Variants in CNTNAP3B observed in about 807,000 individuals in gnomAD.
The protein encoded by CNTNAP3B is contactin-associated protein-like 3B.
CNTNAP3B carries 25 observed loss-of-function variants against 108.9 expected under a neutral mutation model. The ratio of observed to expected loss-of-function variants is 0.23; its 90% CI spans 0.17 to 0.32. The LOEUF is 0.32. CNTNAP3B is among the 10% of genes least tolerant of loss of function. The pLI is 1.00. For missense variants in CNTNAP3B, 252 were observed against 1,210.4 expected, an observed-to-expected ratio of 0.21 and a Z score of 11.75; for synonymous variants, 103 against 473.4, an observed-to-expected ratio of 0.22 and a Z score of 10.16.
At chr9:41,940,778 G>A (rs1476921887) in intron 13 of CNTNAP3B, among the ~76,000 whole-genome samples, 1 of 152,046 alleles carries the variant, frequency 6.6e-6, no homozygotes, top group Admixed American at 6.5e-5. Flanking sequence ...TTGTGCCACT[G>A]CACTCCAGCC....
chr9:42,062,072 T>C (rs1587239847), intron 3 of CNTNAP3B, among the ~76,000 whole-genome samples: 1 of 51,072 alleles, frequency 2.0e-5, no homozygotes, highest in African/African-American at 6.4e-5. Context: ...GACGGAGTCT[T>C]GCTCTGTGGC....
chr9:42,110,869 G>T (rs1172677555), intron 1 of CNTNAP3B, among the ~76,000 whole-genome samples: 2 of 139,990 alleles, frequency 1.4e-5, no homozygotes, highest in Non-Finnish European at 3.1e-5. Context: ...AATCTGAATT[G>T]ATCTGTGCAT....
At chr9:41,966,459 A>T (rs1825277802) in intron 10 of CNTNAP3B, among the ~76,000 whole-genome samples, 1 of 152,288 alleles carries the variant, frequency 6.6e-6, no homozygotes, top group African/African-American at 2.4e-5. Context: ...GCTAGCATGC[A>T]GAAGACCAAC....
intron 15 of CNTNAP3B, among the ~76,000 whole-genome samples, chr9:41,926,257 CT>C (rs1823816383): frequency 6.6e-6 from 1 of 152,080 alleles, no homozygotes; most frequent in Admixed American, 6.5e-5. Context: ...AGTGTGGAAC[CT>C]AGCTTCTAAC....
chr9:42,077,443 A>C (rs1827516021), intron 2 of CNTNAP3B, among the ~76,000 whole-genome samples: 1 of 137,296 alleles, frequency 7.3e-6, no homozygotes, highest in South Asian at 2.4e-4. Context: ...TGATAAAAGA[A>C]AGACAGTTAA....
chr9:42,116,004 A>G (rs564704283), intron 1 of CNTNAP3B, among the ~76,000 whole-genome samples: 2 of 138,800 alleles, frequency 1.4e-5, no homozygotes, highest in East Asian at 4.4e-4. Context: ...ACTAGAATAA[A>G]CAGCGTAGAG....
intron 3 of CNTNAP3B, among the ~76,000 whole-genome samples, chr9:42,028,805 G>GAA (rs55930965): frequency 2.7e-5 from 4 of 148,882 alleles, no homozygotes; most frequent in South Asian, 2.1e-4. Context: ...TTTGCATTCA[G>GAA]AAAAAAAATT....
At chr9:42,087,808 A>T (rs1827735778) in intron 2 of CNTNAP3B, among the ~76,000 whole-genome samples, 2 of 135,558 alleles carry the variant, frequency 1.5e-5, no homozygotes, top group South Asian at 4.9e-4. Flanking sequence ...TTTTGAAAAT[A>T]GTTTGACAGT....
intron 1 of CNTNAP3B, among the ~76,000 whole-genome samples, chr9:42,116,095 C>T (rs1197089623): frequency 3.6e-5 from 5 of 139,146 alleles, no homozygotes; most frequent in Non-Finnish European, 4.6e-5. Context: ...GTAGCCAATC[C>T]GATCAACTGG....
Position 42,121,803 on chromosome 9 carries a change from C to A in CNTNAP3B, c.85+7207G>T, listed in dbSNP as rs529127618. Among the ~76,000 whole-genome samples, 3 of 140,466 alleles carry A rather than the reference C, an allele frequency of 2.1e-5. 1 individual carries two copies. The East Asian group carries it at 6.4e-4, about 30-fold the overall frequency. The allele number at this position is 140,466 out of a possible 152,430, so 92.2% of individuals were successfully genotyped here. On this transcript the variant is annotated intron_variant, in intron 1 of 23. Transcript: ENST00000377561. ...ATTCATGAAGAAGATGACCATTGCA[C>A]AGACAAGTACACTGTGAAGAACCGT...
At chr9:41,927,753 A>G (rs2117990772) in intron 15 of CNTNAP3B, among the ~76,000 whole-genome samples, 1 of 152,372 alleles carries the variant, frequency 6.6e-6, no homozygotes, top group Non-Finnish European at 1.5e-5. Flanking sequence ...ACAAAATCAC[A>G]GAGGTAACAG....
chr9:42,035,524 A>T (rs1826606409), intron 3 of CNTNAP3B, among the ~76,000 whole-genome samples: 1 of 147,114 alleles, frequency 6.8e-6, no homozygotes, highest in Non-Finnish European at 1.5e-5. Flanking sequence ...TTTGGACAAA[A>T]ATCCTTCAGT....
At chr9:42,089,688 G>A (rs1174601069) in intron 2 of CNTNAP3B, among the ~76,000 whole-genome samples, 1 of 148,118 alleles carries the variant, frequency 6.8e-6, no homozygotes, top group Non-Finnish European at 1.5e-5. Flanking sequence ...CCTAGTCAGT[G>A]TGCCAAGAAA....
rs1172879606 is a variant in CNTNAP3B at position 42,127,234 on chromosome 9, T to C, written c.85+1776A>G. ...AACTCGCGAGAGTCCCGTCTGGTGC[T>C]GAGTCCGTTTGGAATATCTGTCCCT... On this transcript the variant is annotated intron_variant, in intron 1 of 23. Coordinates refer to ENST00000377561, the MANE Select transcript of CNTNAP3B (RefSeq NM_001201380.3). Among the ~76,000 whole-genome samples the C allele has an allele frequency of 2.9e-5, 4 of 138,956 alleles. 1 individual carries two copies. The highest frequency in any genetic ancestry group is 1.1e-4 in the African/African-American group (4 of 34,874). 91.2% of individuals were successfully genotyped at this position (138,956 alleles called of 152,430 possible). A position where few individuals can be genotyped will look rare whatever the true frequency, so the allele number is the denominator to read the frequency against.
At chr9:41,917,965 T>C (rs1293487515) in intron 18 of CNTNAP3B, among the ~76,000 whole-genome samples, 1 of 152,426 alleles carries the variant, frequency 6.6e-6, no homozygotes, top group Non-Finnish European at 1.5e-5. Flanking sequence ...ACTCTCACTG[T>C]TATTACTGAT....
At chr9:42,032,958 A>G (rs1473540162) in intron 3 of CNTNAP3B, among the ~76,000 whole-genome samples, 2 of 143,102 alleles carry the variant, frequency 1.4e-5, no homozygotes, top group Non-Finnish European at 3.0e-5. Context: ...TTTAACCTTA[A>G]TTACCTCCTG....
At chr9:41,969,880 G>T in intron 10 of CNTNAP3B, among the ~76,000 whole-genome samples, 194 bp downstream of exon 10, 1 of 144,416 alleles carries the variant, frequency 6.9e-6, no homozygotes, top group Non-Finnish European at 1.5e-5. Flanking sequence ...AGCCTCAGCC[G>T]CATTACAGGT....
intron 14 of CNTNAP3B, among the ~76,000 whole-genome samples, chr9:41,934,902 T>C (rs1458105149): frequency 2.0e-5 from 3 of 152,302 alleles, no homozygotes; most frequent in Non-Finnish European, 4.4e-5. Flanking sequence ...GTGGTTACTT[T>C]TAAAGACTCT....
intron 14 of CNTNAP3B, among the ~76,000 whole-genome samples, chr9:41,932,846 A>T (rs1310841756): frequency 6.6e-6 from 1 of 152,270 alleles, no homozygotes; most frequent in African/African-American, 2.4e-5. Context: ...TTGGGGGAGT[A>T]GGTCAGCAAT....
Sources: gnomAD v4.1 joint callset for allele counts (sites outside exome capture counted in the v4.1 genomes callset) on GRCh38, gnomAD v4.1.1 for gene constraint, MANE v1.5 for transcripts, NCBI Gene and HGNC (gene_info 2026-07-23, HGNC 2026-07-21) for gene names.